The following CGNL1 variants were observed in gnomAD, a reference collection of about 807,000 sequenced individuals.
The protein encoded by CGNL1 is cingulin-like protein 1.
In CGNL1, 132 loss-of-function variants were observed where a neutral mutation model predicts 141.2. The ratio of observed to expected loss-of-function variants is 0.93; its 90% confidence interval spans 0.81 to 1.08. The LOEUF is 1.08. Ranked by LOEUF, CGNL1 falls within the 50% of genes least tolerant of loss-of-function variation. The pLI is 0.00. For synonymous variants in CGNL1, 690 were observed against 622.1 expected (o/e 1.11, Z -1.63); for missense variants, 1,870 against 1,588.6 (o/e 1.18, Z -3.01).
intron 1 of CGNL1, among the ~76,000 whole-genome samples, chr15:57,423,021 A>T (rs530297985): frequency 6.6e-6 from 1 of 152,102 alleles, no homozygotes; most frequent in South Asian, 2.1e-4. Context: ...ATGAATGGCT[A>T]TGGGGGTTCT....
intron 1 of CGNL1, among the ~76,000 whole-genome samples, chr15:57,389,354 C>T (rs78718468): frequency 0.019 from 2,839 of 152,296 alleles, 70 homozygotes; most frequent in African/African-American, 0.045. Context: ...GTGAATAGTA[C>T]ATTTGTAGAA....
chr15:57,522,007 C>T (rs561152334), intron 10 of CGNL1, among the ~76,000 whole-genome samples: 1 of 152,292 alleles, frequency 6.6e-6, no homozygotes, highest in East Asian at 1.9e-4. Context: ...AACTCCTCCT[C>T]ACCCTTTGCC....
At chr15:57,427,234 G>T (rs1482332148) in intron 1 of CGNL1, among the ~76,000 whole-genome samples, 5 of 152,164 alleles carry the variant, frequency 3.3e-5, no homozygotes, top group Non-Finnish European at 5.9e-5. Context: ...GTAGCAAGCT[G>T]CTAGGTTTCT....
rs567585117 is a variant in CGNL1, at chr15:57,450,367, C to T, written c.1804-1133C>T. 4.5e-4 allele frequency among the ~76,000 whole-genome samples: 68 copies of T among 152,316 alleles called. 1 individual carries two copies. The highest frequency in any genetic ancestry group is 6.9e-4 in the Non-Finnish European group (47 of 68,026). ...TCTTGGCTCACTGCAACCTCCACTT[C>T]GTGGGTTCAAGCGATTCTTCTGCCT... On this transcript the variant is annotated intron_variant, in intron 4 of 18. Transcript: ENST00000281282.
chr15:57,470,256 C>CTTTTTTTTTTTT lies in CGNL1; in HGVS notation c.2403+8368_2403+8379dup, dbSNP rs60982599. Reference sequence around the variant, plus strand: ...AAAAGATCTCTTTTTTTTTGTCTCTCTTTTTTTTTTTTTTTGCCTGCCCCA... The same window carrying CTTTTTTTTTTTT: ...AAAAGATCTCTTTTTTTTTGTCTCTCTTTTTTTTTTTTTTTTTTTTTTTTTTTGCCTGCCCCA... On this transcript the variant is annotated intron_variant, in intron 8 of 18. Transcript: ENST00000281282. 5.9e-4 allele frequency among the ~76,000 whole-genome samples: 67 copies of CTTTTTTTTTTTT among 113,930 alleles called. 1 individual carries two copies. Among genetic ancestry groups the CTTTTTTTTTTTT allele is most frequent in the Non-Finnish European group, 7.0e-4 (41 of 58,796 alleles). 74.7% of individuals were successfully genotyped at this position (113,930 alleles called of 152,430 possible).
chr15:57,539,004 G>A (rs565967548), intron 14 of CGNL1, among the ~76,000 whole-genome samples: 2 of 152,292 alleles, frequency 1.3e-5, no homozygotes, highest in East Asian at 1.9e-4. Context: ...GAAACTCAGG[G>A]TGATAACATC....
At chr15:57,500,667 G>C (rs576322860) in intron 8 of CGNL1, among the ~76,000 whole-genome samples, 1 of 125,128 alleles carries the variant, frequency 8.0e-6, no homozygotes, top group Admixed American at 8.2e-5. Context: ...AAAAAAAAGC[G>C]TGGAGCGTTC....
At chr15:57,475,851 A>G (rs2063649505) in intron 8 of CGNL1, among the ~76,000 whole-genome samples, 3 of 152,016 alleles carry the variant, frequency 2.0e-5, no homozygotes, top group South Asian at 2.1e-4. Flanking sequence ...CCCCCGAGCT[A>G]TGGTCTCCGC....
At position 57,547,612 on chromosome 15, in the gene CGNL1, A is replaced by G; in HGVS notation, c.*122A>G. 8.9e-7 allele frequency: 1 copy of G among 1,119,576 alleles called. No individual in the cohort carries two copies. The highest frequency in any genetic ancestry group is 1.3e-6 in the Non-Finnish European group (1 of 784,262). 69.4% of individuals were successfully genotyped at this position (1,119,576 alleles called of 1,614,324 possible). ...ACCAATCACAGCCTCTTTGCACAGC[A>G]TGCCAGCTCCTCAGTGTTACATTCC... On this transcript the variant is annotated 3_prime_UTR_variant, in exon 19 of 19. Coordinates refer to ENST00000281282, the MANE Select transcript of CGNL1 (RefSeq NM_032866.5).
intron 1 of CGNL1, chr15:57,394,087 C>T (rs2062573233): frequency 8.8e-6 from 1 of 113,656 alleles, no homozygotes; most frequent in Admixed American, 1.0e-4. Context: ...CACCACCAAA[C>T]CAGGGTAATT....
At chr15:57,388,397 G>T (rs1053317266) in intron 1 of CGNL1, among the ~76,000 whole-genome samples, 1 of 152,162 alleles carries the variant, frequency 6.6e-6, no homozygotes, top group Admixed American at 6.5e-5. Context: ...CTGCTGACAC[G>T]CACTGGTGAT....
chr15:57,479,671 A>C (rs543328908), intron 8 of CGNL1, among the ~76,000 whole-genome samples: 13 of 152,306 alleles, frequency 8.5e-5, no homozygotes, highest in African/African-American at 3.1e-4. Flanking sequence ...CTCAAGAAAC[A>C]AAAAACAAAA....
chr15:57,396,469 C>A, intron 1 of CGNL1, among the ~76,000 whole-genome samples: 1 of 151,646 alleles, frequency 6.6e-6, no homozygotes, highest in African/African-American at 2.4e-5. Flanking sequence ...GACAGGGTTT[C>A]GCCATGTTGG....
At chr15:57,393,813 T>G (rs16977458) in intron 1 of CGNL1, 43,585 of 151,938 alleles carry the variant, frequency 0.29, 6,623 homozygotes, top group Middle Eastern at 0.36. Flanking sequence ...CTAAGTGGTG[T>G]AATTTTACAT....
At chr15:57,384,813 CAG>C (rs1408413845) in intron 1 of CGNL1, among the ~76,000 whole-genome samples, 4 of 152,146 alleles carry the variant, frequency 2.6e-5, no homozygotes, top group African/African-American at 9.7e-5. Flanking sequence ...GGAAGAAAGA[CAG>C]TGTTTTGAAA....
chr15:57,472,043 G>T (rs73420000), intron 8 of CGNL1, among the ~76,000 whole-genome samples: 3,137 of 152,042 alleles, frequency 0.021, 119 homozygotes, highest in African/African-American at 0.071. Context: ...TTTGAGTCCA[G>T]TTGGGTAAGA....
chr15:57,444,964 T>A (rs182264122), intron 4 of CGNL1, among the ~76,000 whole-genome samples: 8 of 152,122 alleles, frequency 5.3e-5, no homozygotes, highest in African/African-American at 1.9e-4. Context: ...GAGAGACCAA[T>A]GAAAAGCTAA....
Position 57,550,144 on chromosome 15 carries a change from A to G in CGNL1, c.*2654A>G, listed in dbSNP as rs114777403. ...AAATAGGCTGTTATGCGTTTTGACAATTGCGCTATCCTACACTCTGAGGGA... is the reference window on the plus strand; with the variant it reads ...AAATAGGCTGTTATGCGTTTTGACAGTTGCGCTATCCTACACTCTGAGGGA... On this transcript the variant is annotated 3_prime_UTR_variant, in exon 19 of 19. Coordinates refer to ENST00000281282, the MANE Select transcript of CGNL1 (RefSeq NM_032866.5). The G allele has an allele frequency of 1.8e-4, 28 of 152,336 alleles. No homozygotes were observed. Among genetic ancestry groups the G allele is most frequent in the African/African-American group, 6.5e-4 (27 of 41,566 alleles). The allele number at this position is 152,336 out of a possible 1,614,324, so 9.4% of individuals were successfully genotyped here.
chr15:57,383,473 T>A (rs1358734698), intron 1 of CGNL1, among the ~76,000 whole-genome samples: 1 of 151,908 alleles, frequency 6.6e-6, no homozygotes, highest in Non-Finnish European at 1.5e-5. Context: ...TAATTTTTTG[T>A]ATTTTTAGTA....
Sources: allele counts gnomAD v4.1 joint callset (sites outside exome capture counted in the v4.1 genomes callset), GRCh38; gene constraint gnomAD v4.1.1; transcripts MANE v1.5; gene names NCBI Gene and HGNC (gene_info 2026-07-23, HGNC 2026-07-21).